The following ARHGEF10L variants were observed in gnomAD, a reference collection of about 807,000 sequenced individuals.
ARHGEF10L encodes the protein rho guanine nucleotide exchange factor 10-like protein.
Under a neutral mutation model 141.2 loss-of-function variants are expected in ARHGEF10L, and 69 were observed. That is an observed-to-expected ratio of 0.49 (90% CI 0.40 to 0.60). The LOEUF (loss-of-function observed/expected upper bound fraction) is 0.60. ARHGEF10L is among the 20% of genes least tolerant of loss of function. ARHGEF10L has a pLI of 0.00. For synonymous variants in ARHGEF10L, 711 were observed against 718.5 expected (o/e 0.99, Z 0.17); for missense variants, 1,482 against 1,734.3 (o/e 0.85, Z 2.58).
chr1:17,603,575 A>G lies in ARHGEF10L; in HGVS notation c.417A>G (p.Pro139=). 6.2e-7 allele frequency: 1 copy of G among 1,613,262 alleles called. No individual in the cohort carries two copies. Among genetic ancestry groups the G allele is most frequent in the Non-Finnish European group, 8.5e-7 (1 of 1,179,626 alleles). The change falls in exon 6 of 29, where the codon CCA becomes CCG. Residue 139 remains proline, a synonymous_variant. Coordinates refer to ENST00000361221, the MANE Select transcript of ARHGEF10L (RefSeq NM_018125.4). The surrounding 1 kb of genome is among the most constrained non-coding windows in gnomAD (Gnocchi z 4.8). The stretch of plus-strand genomic sequence containing the variant: ...ATGACGACGTCCCCTGCGAGAGCCC[A>G]GATGCGCATCAGCCCGGTATGATGT... ...VIYDDVPCES[P]DAHQPGAERN...
chr1:17,651,619 G>C (rs183175548), intron 22 of ARHGEF10L, among the ~76,000 whole-genome samples: 1 of 152,148 alleles, frequency 6.6e-6, no homozygotes, highest in African/African-American at 2.4e-5. Flanking sequence ...CATCCAGGTG[G>C]GGAGCCTCTG....
rs376825580 is a variant in ARHGEF10L, at chr1:17,687,760, C to T, written c.3184+13C>T. ...TTCCTCCTGCCAGGTGAGGCTGCCT[C>T]GGGCACGGGGGAGCGGACAGTCACA... On this transcript the variant is annotated intron_variant, in intron 27 of 28. Transcript: ENST00000361221. 5.6e-5 allele frequency: 87 copies of T among 1,563,472 alleles called. No individual in the cohort carries two copies. The African/African-American group carries it at 8.5e-4, about 15-fold the overall frequency.
intron 14 of ARHGEF10L, among the ~76,000 whole-genome samples, chr1:17,626,918 G>A (rs181881900): frequency 1.2e-4 from 18 of 152,328 alleles, no homozygotes; most frequent in South Asian, 6.2e-4. Context: ...AAGATTCATC[G>A]TGTCCTAGCA....
At chr1:17,520,260 C>A in the ARHGEF10L span, among the ~76,000 whole-genome samples, 2 of 152,192 alleles carry the variant, frequency 1.3e-5, no homozygotes, top group African/African-American at 4.8e-5. Context: ...CGCCCTTGCC[C>A]GCCCAGCAGG....
chr1:17,669,673 TCTTGTTTCCATGAGCA>T (rs2063196250), intron 26 of ARHGEF10L, among the ~76,000 whole-genome samples: 1 of 152,190 alleles, frequency 6.6e-6, no homozygotes, highest in African/African-American at 2.4e-5. Context: ...CAGGAGCTCC[TCTTGTTTCCATGAGCA>T]CGCCTTCCGG....
At chr1:17,634,422 G>A in intron 16 of ARHGEF10L, 126 bp from the exon 17 acceptor site, 1 of 1,508,842 alleles carries the variant, frequency 6.6e-7, no homozygotes, top group Non-Finnish European at 9.2e-7. Context: ...ATTCCCCGCA[G>A]GAGGCTGTCT....
At chr1:17,590,063 C>T (rs984306718) in intron 4 of ARHGEF10L, among the ~76,000 whole-genome samples, 1 of 152,092 alleles carries the variant, frequency 6.6e-6, no homozygotes, top group African/African-American at 2.4e-5. Context: ...TCAAGCTACC[C>T]TCTTGGAGAC....
intron 27 of ARHGEF10L, 199 bp from the exon 28 acceptor site, chr1:17,694,959 G>A (rs1398408099): frequency 1.3e-6 from 1 of 759,314 alleles, no homozygotes; most frequent in Non-Finnish European, 2.3e-6. Context: ...GGTTAGGGGA[G>A]TGCTCAGCTG....
At chr1:17,671,409 G>A (rs906222916) in intron 26 of ARHGEF10L, among the ~76,000 whole-genome samples, 4 of 152,170 alleles carry the variant, frequency 2.6e-5, no homozygotes, top group Non-Finnish European at 5.9e-5. Flanking sequence ...TCCCTGCCTG[G>A]ATGGCAGCCG....
chr1:17,593,713 G>T (rs1233742925), intron 4 of ARHGEF10L, among the ~76,000 whole-genome samples: 1 of 152,088 alleles, frequency 6.6e-6, no homozygotes, highest in African/African-American at 2.4e-5. Flanking sequence ...ACCCCTTGAT[G>T]GCCTTCTGAC....
chr1:17,628,034 TAA>T (rs372751897), intron 15 of ARHGEF10L, among the ~76,000 whole-genome samples: 1 of 143,998 alleles, frequency 6.9e-6, no homozygotes. Flanking sequence ...AACATGCTAT[TAA>T]AAAAAAAAAA....
intron 7 of ARHGEF10L, among the ~76,000 whole-genome samples, chr1:17,610,094 G>A (rs1199043826): frequency 6.6e-6 from 1 of 152,230 alleles, no homozygotes; most frequent in Non-Finnish European, 1.5e-5. Context: ...CAGAGGGAAG[G>A]AGGGATGACA....
chr1:17,568,570 G>GCTTTTT (rs2077858518), intron 1 of ARHGEF10L, among the ~76,000 whole-genome samples: 11 of 152,230 alleles, frequency 7.2e-5, no homozygotes, highest in Admixed American at 7.2e-4. Context: ...CACTGGGCAA[G>GCTTTTT]CAGTGGTGTC....
chr1:17,571,232 G>A (rs374438564), intron 1 of ARHGEF10L, among the ~76,000 whole-genome samples: 68 of 152,230 alleles, frequency 4.5e-4, no homozygotes, highest in African/African-American at 1.6e-3. Context: ...GGAGCGAGAC[G>A]TGAAAGAAGG....
chr1:17,659,371 A>G (rs889062059), intron 25 of ARHGEF10L, among the ~76,000 whole-genome samples: 3 of 152,144 alleles, frequency 2.0e-5, no homozygotes, highest in Non-Finnish European at 4.4e-5. Context: ...GACCTGCTAC[A>G]TGGTATGTGG....
At chr1:17,669,721 A>G (rs752094225) in intron 26 of ARHGEF10L, among the ~76,000 whole-genome samples, 3 of 152,176 alleles carry the variant, frequency 2.0e-5, no homozygotes, top group Non-Finnish European at 4.4e-5. Context: ...TGTTGTGTTC[A>G]TCTTTGTTTC....
chr1:17,658,332 T>G (rs1394580480), intron 25 of ARHGEF10L, among the ~76,000 whole-genome samples: 2 of 152,038 alleles, frequency 1.3e-5, no homozygotes, highest in Non-Finnish European at 2.9e-5. Flanking sequence ...CCCCAAAACA[T>G]GGGGTTTGGG....
chr1:17,635,325 G>T (rs2060935654), intron 18 of ARHGEF10L, among the ~76,000 whole-genome samples: 1 of 152,076 alleles, frequency 6.6e-6, no homozygotes, highest in South Asian at 2.1e-4. Context: ...TCCTACCTGG[G>T]CCCCCTCCCT....
intron 10 of ARHGEF10L, among the ~76,000 whole-genome samples, chr1:17,620,220 A>T (rs1390878215): frequency 1.3e-5 from 2 of 151,678 alleles, no homozygotes; most frequent in East Asian, 3.9e-4. Context: ...AAAAAAAAAA[A>T]AAATGGCTTC....
Sources: gnomAD v4.1 joint callset for allele counts (sites outside exome capture counted in the v4.1 genomes callset) on GRCh38, gnomAD v4.1.1 for gene constraint, Gnocchi (gnomAD v3.1) non-coding constraint, MANE v1.5 for transcripts, NCBI Gene and HGNC (gene_info 2026-07-23, HGNC 2026-07-21) for gene names.